Variants in VPS54 observed in about 807,000 individuals in gnomAD.
VPS54 encodes VPS54 subunit of GARP complex, also known as vacuolar protein sorting-associated protein 54.
Under a neutral mutation model 121.5 loss-of-function variants are expected in VPS54, and 45 were observed. That is an observed-to-expected ratio of 0.37 (90% CI 0.29 to 0.47). VPS54 has a LOEUF of 0.47. Among genes scored for constraint, VPS54 ranks in the 20% least tolerant of loss-of-function variants. The probability of loss-of-function intolerance (pLI) is 0.99; values close to 1 mark genes in which losing one functional copy is unlikely to be tolerated. For synonymous variants in VPS54, 371 were observed against 385.8 expected, an observed-to-expected ratio of 0.96 and a Z score of 0.45; for missense variants, 1,090 against 1,131.4, an observed-to-expected ratio of 0.96 and a Z score of 0.52.
chr2:63,933,626 A>T, intron 12 of VPS54, 47 bp downstream of exon 12: 1 of 1,536,512 alleles, frequency 6.5e-7, no homozygotes. Context: ...ATCCATTAAT[A>T]AGATGACTCA....
At chr2:63,997,024 A>G (rs1677629982) in intron 1 of VPS54, among the ~76,000 whole-genome samples, 1 of 152,178 alleles carries the variant, frequency 6.6e-6, no homozygotes, top group Non-Finnish European at 1.5e-5. Context: ...TGTCTCACCC[A>G]GACACTCAGC....
At chr2:63,963,240 T>C (rs1317700880) in intron 6 of VPS54, among the ~76,000 whole-genome samples, 2 of 152,096 alleles carry the variant, frequency 1.3e-5, no homozygotes, top group Non-Finnish European at 2.9e-5. Flanking sequence ...GTTCGACAAA[T>C]ACCTTAAACA....
chr2:63,930,775 A>G (rs1379052078), intron 12 of VPS54, among the ~76,000 whole-genome samples: 3 of 152,236 alleles, frequency 2.0e-5, no homozygotes, highest in African/African-American at 7.2e-5. Flanking sequence ...CCATCATCTC[A>G]GCCCAAAATC....
chr2:63,913,312 T>TA lies in VPS54; in HGVS notation c.2335-3dup. The TA allele has an allele frequency of 6.2e-7, 1 of 1,607,134 alleles. No homozygotes were observed. Among genetic ancestry groups the TA allele is most frequent in the Non-Finnish European group, 8.5e-7 (1 of 1,177,346 alleles). ...CTGGCAACTTCTTGAATTGAAGTAC[T>TA]AACAAAAGAAGGAGAAAAAAACCCC... On this transcript the variant is annotated splice_region_variant and splice_polypyrimidine_tract_variant and intron_variant, in intron 17 of 22. Transcript: ENST00000272322.
intron 2 of VPS54, 67 bp downstream of exon 2, chr2:63,983,797 A>C: frequency 6.6e-7 from 1 of 1,513,616 alleles, no homozygotes. Flanking sequence ...GGTATATAAA[A>C]CCTGACTACT....
chr2:63,902,556 A>T (rs556629855), intron 20 of VPS54, among the ~76,000 whole-genome samples: 8 of 148,796 alleles, frequency 5.4e-5, no homozygotes, highest in Admixed American at 4.7e-4. Context: ...GCATTTAATT[A>T]AAAAAAAAAC....
intron 3 of VPS54, among the ~76,000 whole-genome samples, chr2:63,972,585 C>G (rs1400575844): frequency 6.6e-6 from 1 of 152,016 alleles, no homozygotes; most frequent in Non-Finnish European, 1.5e-5. Context: ...ACCTATATAT[C>G]TAAGATAGAA....
rs373814210 is a variant in VPS54, at chr2:63,933,805, G to C, written c.1607C>G (p.Ser536Cys). The change falls in exon 12 of 23, where the codon TCT becomes TGT. Residue 536 changes from serine to cysteine, a missense_variant. Physicochemically the swap from Ser to Cys is moderately radical, Grantham distance 112. This residue lies in a region of VPS54 where 801 missense variants were observed against 757.0 expected (regional missense o/e 1.06). Coordinates refer to ENST00000272322, the MANE Select transcript of VPS54 (RefSeq NM_016516.3). ...ELTPIAVDTT[S>C]QRNASPNSEP... is the part of the protein sequence containing the mutation. ...ACTATTTGGAGATGCATTTCTTTGAGAGGTAGTGTCAACTGCTATAGGTGT... is the reference window on the plus strand; with the variant it reads ...ACTATTTGGAGATGCATTTCTTTGACAGGTAGTGTCAACTGCTATAGGTGT... 6.2e-7 allele frequency: 1 copy of C among 1,613,906 alleles called. No individual in the cohort carries two copies. The highest frequency in any genetic ancestry group is 8.5e-7 in the Non-Finnish European group (1 of 1,179,866).
chr2:63,964,457 G>A (rs76763239), intron 6 of VPS54, among the ~76,000 whole-genome samples: 4,129 of 152,106 alleles, frequency 0.027, 183 homozygotes, highest in African/African-American at 0.095. Context: ...ACATTGATGA[G>A]ACTTTTACTG....
intron 7 of VPS54, among the ~76,000 whole-genome samples, chr2:63,960,262 T>C (rs1363357040): frequency 2.0e-5 from 3 of 152,026 alleles, no homozygotes; most frequent in African/African-American, 7.2e-5. Context: ...ACGTAAATAA[T>C]AGACATTTTT....
chr2:63,912,384 T>A lies in VPS54; in HGVS notation c.2586A>T (p.Val862=), dbSNP rs1202109069. 6.2e-7 allele frequency: 1 copy of A among 1,612,048 alleles called. No individual in the cohort carries two copies. Among genetic ancestry groups the A allele is most frequent in the African/African-American group, 1.3e-5 (1 of 75,014 alleles). Residue 862 remains valine (V), a synonymous_variant, in exon 20 of 23, where the codon GTA becomes GTT. Transcript: ENST00000272322. ...DHIAEISAKL[V]AIMDSLFDKL... ...TGTCAAATAAGCTATCCATTATCGC[T>A]ACAAGCTTAGCTGATATTTCAGCTA...
At position 63,912,361 on chromosome 2, in the gene VPS54, T is replaced by G. The variant is rs761329466; in HGVS notation, c.2609A>C (p.Asp870Ala). The change falls in exon 20 of 23, where the codon GAC (aspartate) becomes GCC (alanine). Residue 870 changes from aspartate to alanine, a missense_variant. Around this residue, in one of 2 missense-constraint regions of VPS54, gnomAD observed 289 missense variants for 374.4 expected, o/e 0.77. Transcript: ENST00000272322. ...KLVAIMDSLF[D>A]KLLSKYEVKA... is the part of the protein sequence containing the mutation. Reference sequence around the variant, plus strand: ...AATCATTACCTTAGATAACAGCTTGTCAAATAAGCTATCCATTATCGCTAC... The same window carrying G: ...AATCATTACCTTAGATAACAGCTTGGCAAATAAGCTATCCATTATCGCTAC... 1 of 1,609,832 alleles carries G rather than the reference T, an allele frequency of 6.2e-7. No individual in the cohort carries two copies. Among genetic ancestry groups the G allele is most frequent in the Non-Finnish European group, 8.5e-7 (1 of 1,177,776 alleles).
intron 3 of VPS54, among the ~76,000 whole-genome samples, chr2:63,976,967 G>A (rs1676566418): frequency 6.6e-6 from 1 of 151,200 alleles, no homozygotes; most frequent in Non-Finnish European, 1.5e-5. Flanking sequence ...TAGCTGGGAT[G>A]ACAGGTGCCT....
At chr2:63,895,129 A>C (rs1330488570) in intron 22 of VPS54, among the ~76,000 whole-genome samples, 1 of 152,154 alleles carries the variant, frequency 6.6e-6, no homozygotes, top group Non-Finnish European at 1.5e-5. Context: ...TCTATTTTTA[A>C]AATATCTTAG....
chr2:63,944,750 C>A, intron 9 of VPS54, 95 bp from the exon 10 acceptor site: 1 of 997,144 alleles, frequency 1.0e-6, no homozygotes, highest in South Asian at 1.5e-5. Flanking sequence ...AAGGCCCTTA[C>A]TATATGAACA....
At chr2:63,993,317 AT>A (rs1677419175) in intron 1 of VPS54, among the ~76,000 whole-genome samples, 1 of 152,114 alleles carries the variant, frequency 6.6e-6, no homozygotes, top group Non-Finnish European at 1.5e-5. Flanking sequence ...CTGCGGGGAG[AT>A]TCCAATCTCC....
Position 63,990,494 on chromosome 2 carries a change from A to AC in VPS54, c.-20-6476dup, listed in dbSNP as rs1677267671. 2.6e-5 allele frequency among the ~76,000 whole-genome samples: 4 copies of AC among 151,866 alleles called. No individual in the cohort carries two copies. The South Asian group carries it at 8.3e-4, about 32-fold the overall frequency. ...TGTCATTTCCATTCCTCAACCGGTCACTTTGCCATCCACTCAGCCTGCCTC... is the reference window on the plus strand; with the variant it reads ...TGTCATTTCCATTCCTCAACCGGTCACCTTTGCCATCCACTCAGCCTGCCTC... On this transcript the variant is annotated intron_variant, in intron 1 of 22. Coordinates refer to ENST00000272322, the MANE Select transcript of VPS54 (RefSeq NM_016516.3).
At chr2:63,957,164 C>T (rs554996406) in intron 7 of VPS54, among the ~76,000 whole-genome samples, 69 of 152,088 alleles carry the variant, frequency 4.5e-4, no homozygotes, top group African/African-American at 1.4e-3. Flanking sequence ...ATATCCCGGC[C>T]GGGCACGGTG....
intron 12 of VPS54, among the ~76,000 whole-genome samples, chr2:63,924,083 G>C (rs1276126755): frequency 6.6e-6 from 1 of 152,214 alleles, no homozygotes; most frequent in Admixed American, 6.5e-5. Flanking sequence ...GGGAAAGCCA[G>C]AGAAGGTTCA....
Sources: allele counts gnomAD v4.1 joint callset (sites outside exome capture counted in the v4.1 genomes callset), GRCh38; gene constraint gnomAD v4.1.1; regional missense constraint gnomAD v4.1.1; transcripts MANE v1.5; gene names NCBI Gene and HGNC (gene_info 2026-07-23, HGNC 2026-07-21).